Variants in TMEM178B observed in about 807,000 individuals in gnomAD.
TMEM178B encodes transmembrane protein 178B.
In TMEM178B, 5 loss-of-function variants were observed where a neutral mutation model predicts 31.0. The ratio of observed to expected loss-of-function variants is 0.16; its 90% CI spans 0.08 to 0.34. The LOEUF (loss-of-function observed/expected upper bound fraction) is 0.34. Among genes scored for constraint, TMEM178B ranks in the 10% least tolerant of loss-of-function variants. The pLI is 1.00. For missense variants in TMEM178B, 275 were observed against 400.3 expected (o/e 0.69, Z 2.67); for synonymous variants, 164 against 164.0 (o/e 1.00, Z 0.00).
At chr7:141,276,911 A>G (rs1264838466) in intron 2 of TMEM178B, among the ~76,000 whole-genome samples, 3 of 152,218 alleles carry the variant, frequency 2.0e-5, no homozygotes, top group Admixed American at 1.3e-4. Flanking sequence ...AACAATGTAA[A>G]CATAGAAATA....
intron 2 of TMEM178B, among the ~76,000 whole-genome samples, chr7:141,270,959 A>G (rs952738133): frequency 1.3e-5 from 2 of 152,076 alleles, no homozygotes; most frequent in African/African-American, 2.4e-5. Context: ...AACATTGTGG[A>G]TGGTAGTACT....
intron 2 of TMEM178B, among the ~76,000 whole-genome samples, chr7:141,280,345 C>A (rs1182497596): frequency 1.3e-5 from 2 of 152,104 alleles, no homozygotes; most frequent in African/African-American, 4.8e-5. Flanking sequence ...TTGTAGCTCC[C>A]ATAATTCCTA....
At chr7:141,470,049 G>T (rs979132235) in intron 3 of TMEM178B, among the ~76,000 whole-genome samples, 1 of 152,110 alleles carries the variant, frequency 6.6e-6, no homozygotes, top group Non-Finnish European at 1.5e-5. Context: ...AAGAATTGTT[G>T]GTGAACAGAT....
intron 1 of TMEM178B, among the ~76,000 whole-genome samples, chr7:141,120,263 G>A (rs559386858): frequency 6.6e-6 from 1 of 152,262 alleles, no homozygotes; most frequent in South Asian, 2.1e-4. Context: ...ATGGTAATAT[G>A]CAATTTATCA....
chr7:141,113,990 G>A (rs900050139), intron 1 of TMEM178B, among the ~76,000 whole-genome samples: 1 of 152,188 alleles, frequency 6.6e-6, no homozygotes, highest in African/African-American at 2.4e-5. Flanking sequence ...TCACAGTTAA[G>A]GGCATTTTAG....
Position 141,212,715 on chromosome 7 carries a change from C to G in TMEM178B, c.496+11C>G. ...AGTGGCATGCCCTACGTAAGTGCAC[C>G]TGAGTCTCAGTGGCTGTGACTGTGC... On this transcript the variant is annotated intron_variant, in intron 2 of 3. Transcript: ENST00000565468. 6.5e-7 allele frequency: 1 copy of G among 1,531,454 alleles called. No homozygotes were observed. Among genetic ancestry groups the G allele is most frequent in the Non-Finnish European group, 8.8e-7 (1 of 1,142,728 alleles). 94.9% of individuals were successfully genotyped at this position (1,531,454 alleles called of 1,614,324 possible).
intron 3 of TMEM178B, among the ~76,000 whole-genome samples, chr7:141,468,731 GT>G (rs1802188845): frequency 6.6e-6 from 1 of 152,090 alleles, no homozygotes; most frequent in Non-Finnish European, 1.5e-5. Flanking sequence ...CAAGAAGTGG[GT>G]TTAGGACCGG....
At chr7:141,369,663 G>A (rs1164752330) in intron 2 of TMEM178B, among the ~76,000 whole-genome samples, 1 of 152,166 alleles carries the variant, frequency 6.6e-6, no homozygotes, top group Non-Finnish European at 1.5e-5. Flanking sequence ...GTGAGCCCAG[G>A]TTTACAGAAG....
chr7:141,289,062 T>C (rs1223762606), intron 2 of TMEM178B, among the ~76,000 whole-genome samples: 1 of 152,220 alleles, frequency 6.6e-6, no homozygotes, highest in Non-Finnish European at 1.5e-5. Context: ...CTATGGACTA[T>C]TCCCTGCTTG....
chr7:141,164,404 G>C (rs1796228269), intron 1 of TMEM178B, among the ~76,000 whole-genome samples: 1 of 152,128 alleles, frequency 6.6e-6, no homozygotes, highest in South Asian at 2.1e-4. Flanking sequence ...CTGCAATGCT[G>C]GTTTTTGGAA....
At chr7:141,487,786 C>T in the TMEM178B span, among the ~76,000 whole-genome samples, 2 of 149,430 alleles carry the variant, frequency 1.3e-5, no homozygotes, top group Admixed American at 1.3e-4. Context: ...GACTTCACGA[C>T]CTCCCTTGCT....
At chr7:141,169,093 A>T (rs1468222566) in intron 1 of TMEM178B, among the ~76,000 whole-genome samples, 1 of 152,202 alleles carries the variant, frequency 6.6e-6, no homozygotes, top group Admixed American at 6.5e-5. Flanking sequence ...TGTTTGTTAT[A>T]TAGGTAAACT....
At chr7:141,297,301 T>C (rs1798650674) in intron 2 of TMEM178B, among the ~76,000 whole-genome samples, 1 of 152,188 alleles carries the variant, frequency 6.6e-6, no homozygotes, top group Admixed American at 6.5e-5. Flanking sequence ...CCAAGCAGTG[T>C]TGTGGGAGCA....
At chr7:141,492,043 C>T in the TMEM178B span, among the ~76,000 whole-genome samples, 4 of 152,200 alleles carry the variant, frequency 2.6e-5, no homozygotes, top group African/African-American at 9.7e-5. Context: ...AGAAAATCTA[C>T]ATGCCTTCTG....
chr7:141,154,403 G>A (rs1290121734), intron 1 of TMEM178B, among the ~76,000 whole-genome samples: 2 of 152,248 alleles, frequency 1.3e-5, no homozygotes, highest in Non-Finnish European at 2.9e-5. Context: ...AGGACAGACC[G>A]AGGCTCTGCT....
chr7:141,083,883 ATT>A (rs57202199), intron 1 of TMEM178B, among the ~76,000 whole-genome samples: 276 of 145,640 alleles, frequency 1.9e-3, no homozygotes, highest in Middle Eastern at 3.5e-3. Context: ...ATTCAGCAGA[ATT>A]TTTTTTTTTT....
At chr7:141,085,035 C>T (rs779517594) in intron 1 of TMEM178B, among the ~76,000 whole-genome samples, 28 of 151,834 alleles carry the variant, frequency 1.8e-4, no homozygotes, top group South Asian at 4.2e-4. Context: ...CGCACTGCCA[C>T]ATCACGATCT....
the TMEM178B span, among the ~76,000 whole-genome samples, chr7:141,495,130 C>T: frequency 6.6e-6 from 1 of 152,140 alleles, no homozygotes; most frequent in Admixed American, 6.5e-5. Flanking sequence ...ACAGTTATTG[C>T]AGGGGACCAA....
In TMEM178B at chr7:141,437,761, C is replaced by G. The variant is rs780474229; in HGVS notation, c.634+16C>G. On this transcript the variant is annotated intron_variant, in intron 3 of 3. Coordinates refer to ENST00000565468, the MANE Select transcript of TMEM178B (RefSeq NM_001195278.2). ...CTCATGGGAGGTAAGGCTACGGGCT[C>G]GGCTTGTGGGTGGCAGTGGACAGGG... The G allele has an allele frequency of 6.5e-7, 1 of 1,535,924 alleles. No individual in the cohort carries two copies.
Sources: gnomAD v4.1 joint callset for allele counts (sites outside exome capture counted in the v4.1 genomes callset) on GRCh38, gnomAD v4.1.1 for gene constraint, MANE v1.5 for transcripts, NCBI Gene and HGNC (gene_info 2026-07-23, HGNC 2026-07-21) for gene names.